The following ACO2 variants were observed in gnomAD, a reference collection of about 807,000 sequenced individuals.
ACO2 encodes aconitate hydratase, mitochondrial.
In ACO2, 31 loss-of-function variants were observed where a neutral mutation model predicts 84.5. The ratio of observed to expected loss-of-function variants is 0.37; its 90% CI spans 0.28 to 0.50. The LOEUF (loss-of-function observed/expected upper bound fraction) is 0.50, where lower values mean the gene tolerates loss of function less well. Ranked by LOEUF, ACO2 falls within the 20% of genes least tolerant of loss-of-function variation. ACO2 has a pLI of 0.97. For synonymous variants in ACO2, 414 were observed against 412.7 expected, an observed-to-expected ratio of 1.00 and a Z score of -0.04; for missense variants, 685 against 1,029.3, an observed-to-expected ratio of 0.67 and a Z score of 4.58.
chr22:41,485,959 T>C (rs935026424), intron 1 of ACO2, among the ~76,000 whole-genome samples: 2 of 152,174 alleles, frequency 1.3e-5, no homozygotes, highest in Non-Finnish European at 1.5e-5. Context: ...GGTGAGTCTC[T>C]GTGTGCATGC....
intron 4 of ACO2, among the ~76,000 whole-genome samples, chr22:41,514,556 C>T (rs1272961660): frequency 6.6e-6 from 1 of 152,224 alleles, no homozygotes; most frequent in African/African-American, 2.4e-5. Flanking sequence ...TGGCTCAGGG[C>T]TTGCCAAGCA....
chr22:41,492,018 GCTTGCA>G lies in ACO2; in HGVS notation c.37-7707_37-7702del, dbSNP rs1449470810. Among the ~76,000 whole-genome samples the G allele has an allele frequency of 2.0e-5, 3 of 152,156 alleles. No homozygotes were observed. The East Asian group carries it at 5.8e-4, about 29-fold the overall frequency. On this transcript the variant is annotated intron_variant, in intron 1 of 17. Transcript: ENST00000216254. ...ATCCATCACAGAAGGAGAGACCTGAGCTTGCATCCTGGAGTCAACTGCATACCAGCT... is the reference window on the plus strand; with the variant it reads ...ATCCATCACAGAAGGAGAGACCTGAGTCCTGGAGTCAACTGCATACCAGCT...
At chr22:41,469,277 TG>T (rs904542451) in intron 1 of ACO2, 95 bp downstream of exon 1, 69 of 1,434,176 alleles carry the variant, frequency 4.8e-5, no homozygotes, top group Non-Finnish European at 6.3e-5. Context: ...GGGCCCAACC[TG>T]GGGCCAACTT....
At chr22:41,527,649 T>C (rs1301000174) in intron 16 of ACO2, 3 of 794,016 alleles carry the variant, frequency 3.8e-6, no homozygotes, top group African/African-American at 3.5e-5. Flanking sequence ...CGCTGAGATC[T>C]AGGACATGTG....
chr22:41,524,949 C>T lies in ACO2; in HGVS notation c.1586C>T (p.Ala529Val). 6.2e-7 allele frequency: 1 copy of T among 1,614,190 alleles called. No homozygotes were observed. Residue 529 changes from alanine to valine, a missense_variant, in exon 13 of 18, where the codon GCA becomes GTA. Ala to Val is a moderately conservative substitution (Grantham distance 64, BLOSUM62 0). This residue lies in a region of ACO2 where 311 missense variants were observed against 441.6 expected (regional missense o/e 0.70). Coordinates refer to ENST00000216254, the MANE Select transcript of ACO2 (RefSeq NM_001098.3). Reference protein sequence around the residue: ...GKKFRLEAPDADELPKGEFDP... With the variant: ...GKKFRLEAPDVDELPKGEFDP... Reference sequence around the variant, plus strand: ...AAGTTCAGGCTGGAGGCTCCGGATGCAGATGAGCTTCCCAAAGGGGTGAGC... The same window carrying T: ...AAGTTCAGGCTGGAGGCTCCGGATGTAGATGAGCTTCCCAAAGGGGTGAGC...
intron 10 of ACO2, 85 bp downstream of exon 10, chr22:41,523,072 G>C: frequency 1.9e-6 from 3 of 1,578,020 alleles, no homozygotes; most frequent in Non-Finnish European, 2.6e-6. Flanking sequence ...GGCCTGTTGG[G>C]CCGGGGCTGG....
chr22:41,494,037 A>G (rs1211911788), intron 1 of ACO2, among the ~76,000 whole-genome samples: 1 of 152,142 alleles, frequency 6.6e-6, no homozygotes, highest in Non-Finnish European at 1.5e-5. Context: ...CAGATCTAGA[A>G]CATGTTCATC....
Position 41,523,816 on chromosome 22 carries a change from C to A in ACO2, c.1371-14C>A. The A allele has an allele frequency of 6.2e-7, 1 of 1,608,618 alleles. No homozygotes were observed. The highest frequency in any genetic ancestry group is 8.5e-7 in the Non-Finnish European group (1 of 1,176,900). On this transcript the variant is annotated splice_polypyrimidine_tract_variant and intron_variant, in intron 11 of 17. Coordinates refer to ENST00000216254, the MANE Select transcript of ACO2 (RefSeq NM_001098.3). ...GGCCAGATATCCCTAACCCTGATCCCTCTGACCTGGCAGGAAGGACATCAA... is the reference window on the plus strand; with the variant it reads ...GGCCAGATATCCCTAACCCTGATCCATCTGACCTGGCAGGAAGGACATCAA...
intron 2 of ACO2, among the ~76,000 whole-genome samples, chr22:41,507,509 C>A (rs1482825713): frequency 6.6e-6 from 1 of 152,168 alleles, no homozygotes; most frequent in East Asian, 1.9e-4. Context: ...AAGCCAGGAT[C>A]CTTTGAAAAG....
At position 41,527,321 on chromosome 22, in the gene ACO2, G is replaced by A. The variant is rs2066622042; in HGVS notation, c.1987G>A (p.Glu663Lys). Residue 663 changes from glutamate to lysine, a missense_variant, in exon 16 of 18, where the codon GAG becomes AAG. By Grantham distance (56) the Glu-to-Lys change is moderately conservative. Around this residue, in one of 5 missense-constraint regions of ACO2, gnomAD observed 174 missense variants for 236.6 expected, o/e 0.74. Coordinates refer to ENST00000216254, the MANE Select transcript of ACO2 (RefSeq NM_001098.3). ...CATCAGGTGGGTGGTGATCGGAGAC[G>A]AGAACTACGGCGAGGGCTCGAGCCG... Reference protein sequence around the residue: ...HGIRWVVIGDENYGEGSSREH... With the variant: ...HGIRWVVIGDKNYGEGSSREH... The A allele has an allele frequency of 6.2e-7, 1 of 1,614,202 alleles. No individual in the cohort carries two copies. Among genetic ancestry groups the A allele is most frequent in the Non-Finnish European group, 8.5e-7 (1 of 1,180,026 alleles).
intron 2 of ACO2, among the ~76,000 whole-genome samples, chr22:41,502,856 T>A (rs1298595902): frequency 6.6e-6 from 1 of 152,128 alleles, no homozygotes; most frequent in East Asian, 1.9e-4. Context: ...GTGATCCACC[T>A]GTCTCAGCCT....
chr22:41,477,147 T>TA (rs1429704180), intron 1 of ACO2, among the ~76,000 whole-genome samples: 4 of 149,226 alleles, frequency 2.7e-5, no homozygotes, highest in Admixed American at 2.7e-4. Flanking sequence ...TTTATTTATT[T>TA]ATTTATTTAT....
intron 1 of ACO2, among the ~76,000 whole-genome samples, chr22:41,476,140 C>T (rs2038010686): frequency 6.6e-6 from 1 of 151,718 alleles, no homozygotes. Context: ...GGGTGTGGTG[C>T]CTCATGCCTG....
At chr22:41,527,492 G>A in intron 16 of ACO2, 72 bp downstream of exon 16, 1 of 1,539,274 alleles carries the variant, frequency 6.5e-7, no homozygotes, top group South Asian at 1.2e-5. Flanking sequence ...CCTGCCCGTG[G>A]CTGAGTTGGG....
intron 4 of ACO2, among the ~76,000 whole-genome samples, chr22:41,513,404 C>A (rs939340310): frequency 1.3e-5 from 2 of 152,236 alleles, no homozygotes; most frequent in African/African-American, 4.8e-5. Context: ...TTCTTCCCGC[C>A]TTGATGTCAC....
At chr22:41,523,567 C>T (rs1444355046) in intron 11 of ACO2, among the ~76,000 whole-genome samples, 4 of 152,212 alleles carry the variant, frequency 2.6e-5, no homozygotes, top group Non-Finnish European at 2.9e-5. Flanking sequence ...TGGGAGGAGG[C>T]AGTGCCCCAG....
intron 1 of ACO2, among the ~76,000 whole-genome samples, chr22:41,475,255 C>T (rs2146077914): frequency 6.7e-6 from 1 of 149,842 alleles, no homozygotes; most frequent in East Asian, 2.0e-4. Flanking sequence ...TCACTGCAGC[C>T]TTGACCTCCT....
chr22:41,516,953 C>T (rs891105401), intron 6 of ACO2, among the ~76,000 whole-genome samples: 2 of 152,020 alleles, frequency 1.3e-5, no homozygotes, highest in Non-Finnish European at 2.9e-5. Context: ...TGGTCTCAAA[C>T]TCCTGACCTC....
At chr22:41,527,583 G>A (rs972190975) in intron 16 of ACO2, 163 bp downstream of exon 16, 20 of 1,026,118 alleles carry the variant, frequency 1.9e-5, no homozygotes, top group South Asian at 9.9e-5. Context: ...GTGCACATCC[G>A]ACGCTCAGCT....
Sources: allele counts gnomAD v4.1 joint callset (sites outside exome capture counted in the v4.1 genomes callset), GRCh38; gene constraint gnomAD v4.1.1; regional missense constraint gnomAD v4.1.1; transcripts MANE v1.5; gene names NCBI Gene and HGNC (gene_info 2026-07-23, HGNC 2026-07-21).